LYPD4: variants seen among roughly 807,000 people sequenced by gnomAD.
LYPD4 encodes ly6/PLAUR domain-containing protein 4.
LYPD4 carries 20 observed loss-of-function variants against 18.2 expected under a neutral mutation model. The observed-to-expected ratio is 1.10, with a 90% CI of 0.77 to 1.59. LYPD4 has a LOEUF of 1.59. Ranked by LOEUF, LYPD4 falls within the 40% of genes most tolerant of loss-of-function variation. The pLI is 0.00. For synonymous variants in LYPD4, 111 were observed against 118.3 expected (o/e 0.94, Z 0.40); for missense variants, 278 against 300.3 (o/e 0.93, Z 0.55).
downstream of LYPD4, chr19:41,835,238 C>T (rs2123058247): frequency 6.6e-6 from 1 of 152,284 alleles, no homozygotes; most frequent in East Asian, 1.9e-4. Context: ...CAAGTTACTC[C>T]TGATGCTCCA....
At chr19:41,843,079 C>CAAA (rs2073694851) in intron 1 of LYPD4, among the ~76,000 whole-genome samples, 1 of 6,584 alleles carries the variant, frequency 1.5e-4, no homozygotes, top group African/African-American at 3.8e-4. Flanking sequence ...AAAAAAAAAC[C>CAAA]CCAACAACAA....
At position 41,839,229 on chromosome 19, in the gene LYPD4, G is replaced by A; in HGVS notation, c.57C>T (p.Ser19=). 2 of 1,614,186 alleles carry A rather than the reference G, an allele frequency of 1.2e-6. No homozygotes were observed. Among genetic ancestry groups the A allele is most frequent in the African/African-American group, 2.7e-5 (2 of 75,048 alleles). The change falls in exon 2 of 5, where the codon TCC becomes TCT. Residue 19 remains serine, a synonymous_variant. Coordinates refer to ENST00000609812, the MANE Select transcript of LYPD4 (RefSeq NM_173506.7). ...VQLFCLLGAI[S]TLPRAGALLC... is the part of the protein sequence containing the mutation. ...CCCCACAGGACATACGAGGCAGAGT[G>A]GAGATGGCCCCTAGAAGGCAGAACA...
intron 1 of LYPD4, among the ~76,000 whole-genome samples, chr19:41,843,079 C>A (rs2073694053): frequency 7.6e-4 from 5 of 6,576 alleles, no homozygotes; most frequent in Admixed American, 2.3e-3. Flanking sequence ...AAAAAAAAAC[C>A]CCAACAACAA....
Position 41,838,348 on chromosome 19 carries a change from C to T in LYPD4, c.212-87G>A, listed in dbSNP as rs368425655. The T allele has an allele frequency of 2.5e-6, 3 of 1,193,734 alleles. No homozygotes were observed. The South Asian group carries it at 5.6e-5, about 22-fold the overall frequency. The allele number at this position is 1,193,734 out of a possible 1,614,324, so 73.9% of individuals were successfully genotyped here. Reference sequence around the variant, plus strand: ...CTCCCCCCAGCTCTTTCTGCACCCACCCTGCCTGTCACAATCTGTGCCTCC... The same window carrying T: ...CTCCCCCCAGCTCTTTCTGCACCCATCCTGCCTGTCACAATCTGTGCCTCC... On this transcript the variant is annotated intron_variant, in intron 3 of 4. Transcript: ENST00000609812.
intron 1 of LYPD4, among the ~76,000 whole-genome samples, 174 bp downstream of exon 1, chr19:41,843,404 C>T (rs1188464649): frequency 2.6e-5 from 4 of 152,008 alleles, no homozygotes; most frequent in African/African-American, 7.2e-5. Flanking sequence ...TAGGCAAATG[C>T]TAAGCTCTTT....
downstream of LYPD4, among the ~76,000 whole-genome samples, chr19:41,836,717 G>A (rs1374291850): frequency 1.3e-5 from 2 of 150,124 alleles, no homozygotes; most frequent in Non-Finnish European, 3.0e-5. Context: ...GCAACATAGT[G>A]AGACAGACCC....
At chr19:41,836,235 AAAC>A (rs1206981124), downstream of LYPD4, among the ~76,000 whole-genome samples, 13 of 140,646 alleles carry the variant, frequency 9.2e-5, no homozygotes, top group African/African-American at 2.9e-4. Flanking sequence ...TCCGGGTGAA[AAAC>A]AACCACCCCA....
chr19:41,836,556 G>A (rs569294545), downstream of LYPD4, among the ~76,000 whole-genome samples: 5 of 151,984 alleles, frequency 3.3e-5, no homozygotes, highest in African/African-American at 4.8e-5. Flanking sequence ...TACTAGCACA[G>A]TGTCTGGCAC....
At chr19:41,840,549 A>G (rs1437920755) in intron 1 of LYPD4, among the ~76,000 whole-genome samples, 2 of 152,114 alleles carry the variant, frequency 1.3e-5, no homozygotes, top group Non-Finnish European at 2.9e-5. Context: ...TAAAATATAT[A>G]CAGCCGGGCA....
At chr19:41,836,304 A>C (rs1555830278), downstream of LYPD4, among the ~76,000 whole-genome samples, 3 of 111,536 alleles carry the variant, frequency 2.7e-5, no homozygotes, top group South Asian at 2.7e-4. Flanking sequence ...AAAAAAAAAA[A>C]AAAAAAAAAA....
chr19:41,844,298 T>C lies in LYPD4; in HGVS notation c.-841A>G, dbSNP rs561584157. 3 of 152,178 alleles carry C rather than the reference T, an allele frequency of 2.0e-5. No individual in the cohort carries two copies. The highest frequency in any genetic ancestry group is 3.9e-4 in the East Asian group (2 of 5,170). The allele number at this position is 152,178 out of a possible 1,614,324, so 9.4% of individuals were successfully genotyped here. A position where few individuals can be genotyped will look rare whatever the true frequency, so the allele number is the denominator to read the frequency against. On this transcript the variant is annotated 5_prime_UTR_variant, in exon 1 of 5. Coordinates refer to ENST00000609812, the MANE Select transcript of LYPD4 (RefSeq NM_173506.7). ...GAGCCAGCCAGAAATTCAGAAAAAC[T>C]AGAGGCGTCCCCGGTAGCGAAGGAA...
Position 41,837,262 on chromosome 19 carries a change from T to C in LYPD4, c.622A>G (p.Ile208Val), listed in dbSNP as rs782097520. Residue 208 changes from isoleucine to valine, a missense_variant, in exon 5 of 5, where the codon ATC (isoleucine) becomes GTC (valine). Transcript: ENST00000609812. ...LLADFHHIGS[I>V]KVTEVLNILE... is the part of the protein sequence containing the mutation. ...ATGTTGAGGACCTCAGTCACTTTGA[T>C]GCTCCCAATATGATGAAAATCTGCT... 3 of 1,614,112 alleles carry C rather than the reference T, an allele frequency of 1.9e-6. No individual in the cohort carries two copies. Among genetic ancestry groups the C allele is most frequent in the Admixed American group, 3.3e-5 (2 of 60,018 alleles).
At position 41,839,388 on chromosome 19, in the gene LYPD4, G is replaced by T; in HGVS notation, c.-103C>A. On this transcript the variant is annotated 5_prime_UTR_variant, in exon 2 of 5. Coordinates refer to ENST00000609812, the MANE Select transcript of LYPD4 (RefSeq NM_173506.7). Reference sequence around the variant, plus strand: ...CAGTCCCCGAATTCTTTGTCCACCTGTCTCTGGGTCACTGTTTCTGGAGCA... The same window carrying T: ...CAGTCCCCGAATTCTTTGTCCACCTTTCTCTGGGTCACTGTTTCTGGAGCA... The T allele has an allele frequency of 9.3e-7, 1 of 1,071,410 alleles. No individual in the cohort carries two copies. Among genetic ancestry groups the T allele is most frequent in the Non-Finnish European group, 1.4e-6 (1 of 700,078 alleles). 66.4% of individuals were successfully genotyped at this position (1,071,410 alleles called of 1,614,324 possible). A position where few individuals can be genotyped will look rare whatever the true frequency, so the allele number is the denominator to read the frequency against.
chr19:41,838,895 A>G lies in LYPD4; in HGVS notation c.197T>C (p.Val66Ala), dbSNP rs562198016. ...KLQEGCEETL[V>A]FIETGTARGV... is the part of the protein sequence containing the mutation. ...GACTGCTTCACCTGTCTCAATGAACACTAGCGTCTCCTCGCAGCCCTCTTG... is the reference window on the plus strand; with the variant it reads ...GACTGCTTCACCTGTCTCAATGAACGCTAGCGTCTCCTCGCAGCCCTCTTG... The change falls in exon 3 of 5, where the codon GTG (valine) becomes GCG (alanine). Residue 66 changes from valine (V) to alanine (A), a missense_variant. Physicochemically the swap from Val to Ala is moderately conservative, Grantham distance 64. Coordinates refer to ENST00000609812, the MANE Select transcript of LYPD4 (RefSeq NM_173506.7). 6.2e-7 allele frequency: 1 copy of G among 1,613,932 alleles called. No individual in the cohort carries two copies. Among genetic ancestry groups the G allele is most frequent in the African/African-American group, 1.3e-5 (1 of 75,008 alleles).
Position 41,837,353 on chromosome 19 carries a change from G to A in LYPD4, c.539-8C>T. The A allele has an allele frequency of 6.2e-7, 1 of 1,613,818 alleles. No homozygotes were observed. The highest frequency in any genetic ancestry group is 8.5e-7 in the Non-Finnish European group (1 of 1,179,828). ...AGGTGGTATTGAGAAACCCTGTAAG[G>A]AAGAGAGGGAGAAGTCAGGAACACT... On this transcript the variant is annotated splice_region_variant and splice_polypyrimidine_tract_variant and intron_variant, in intron 4 of 4. Coordinates refer to ENST00000609812, the MANE Select transcript of LYPD4 (RefSeq NM_173506.7).
chr19:41,835,127 C>T (rs970279064), downstream of LYPD4: 10 of 152,102 alleles, frequency 6.6e-5, no homozygotes, highest in African/African-American at 2.4e-4. Context: ...ACATACATGA[C>T]AAAGTATATA....
rs60674548 is a variant in LYPD4 at position 41,839,680 on chromosome 19, T to TGTGTGTGTGTGTGTGTGTGTGTGTG, written c.-120-276_-120-275insCACACACACACACACACACACACAC. 120 of 213,572 alleles carry TGTGTGTGTGTGTGTGTGTGTGTGTG rather than the reference T, an allele frequency of 5.6e-4. 5 individuals are homozygous for TGTGTGTGTGTGTGTGTGTGTGTGTG. The highest frequency in any genetic ancestry group is 1.9e-3 in the Middle Eastern group (1 of 526). The allele number at this position is 213,572 out of a possible 1,614,324, so 13.2% of individuals were successfully genotyped here. A position where few individuals can be genotyped will look rare whatever the true frequency, so the allele number is the denominator to read the frequency against. Reference sequence around the variant, plus strand: ...AATAGATGTTTCAAACTCGTGTGTGTTGTGTGTGTGTGTGTGTGTGTGTGT... The same window carrying TGTGTGTGTGTGTGTGTGTGTGTGTG: ...AATAGATGTTTCAAACTCGTGTGTGTGTGTGTGTGTGTGTGTGTGTGTGTGTGTGTGTGTGTGTGTGTGTGTGTGT... On this transcript the variant is annotated intron_variant, in intron 1 of 4. Transcript: ENST00000609812.
Position 41,839,279 on chromosome 19 carries a change from G to A in LYPD4, c.7C>T (p.Pro3Ser). 1 of 1,614,176 alleles carries A rather than the reference G, an allele frequency of 6.2e-7. No homozygotes were observed. The highest frequency in any genetic ancestry group is 8.5e-7 in the Non-Finnish European group (1 of 1,180,032). Residue 3 changes from proline to serine, a missense_variant, in exon 2 of 5, where the codon CCC becomes TCC. By Grantham distance (74) the Pro-to-Ser change is moderately conservative (BLOSUM62 -1). Coordinates refer to ENST00000609812, the MANE Select transcript of LYPD4 (RefSeq NM_173506.7). ...AGCTGCACAAGTCTCAAATGCTGGG[G>A]TCCCATGGCCCTGTGTCTGGGTCCT... MGPQHLRLVQLFC... is the reference protein window; with the variant it reads MGSQHLRLVQLFC...
At chr19:41,839,790 C>G (rs953648911) in intron 1 of LYPD4, among the ~76,000 whole-genome samples, 2 of 151,988 alleles carry the variant, frequency 1.3e-5, no homozygotes, top group Non-Finnish European at 1.5e-5. Context: ...GTGGCTCACG[C>G]CTGTAATCCC....
Sources: allele counts gnomAD v4.1 joint callset (sites outside exome capture counted in the v4.1 genomes callset), GRCh38; gene constraint gnomAD v4.1.1; transcripts MANE v1.5; gene names NCBI Gene and HGNC (gene_info 2026-07-23, HGNC 2026-07-21).